Variants in ZNF384 observed in about 807,000 individuals in gnomAD.
The protein encoded by ZNF384 is CAG repeat protein 1.
A neutral mutation model predicts 65.0 loss-of-function variants in ZNF384; 20 were observed. That is an observed-to-expected ratio of 0.31 (90% confidence interval 0.22 to 0.45). The LOEUF is 0.45. Ranked by LOEUF, ZNF384 falls within the 20% of genes least tolerant of loss-of-function variation. The pLI, the probability that ZNF384 is intolerant of heterozygous loss-of-function variation, is 1.00. For synonymous variants in ZNF384, 310 were observed against 303.9 expected (o/e 1.02, Z -0.21); for missense variants, 549 against 769.4 (o/e 0.71, Z 3.39).
At chr12:6,685,107 G>A (rs554069182) in intron 2 of ZNF384, among the ~76,000 whole-genome samples, 1 of 152,108 alleles carries the variant, frequency 6.6e-6, no homozygotes, top group Non-Finnish European at 1.5e-5. Context: ...AGAATCACTT[G>A]AGCCCAGGAA....
At chr12:6,671,674 T>A (rs1192817696) in intron 9 of ZNF384, 1 of 152,398 alleles carries the variant, frequency 6.6e-6, no homozygotes, top group East Asian at 1.9e-4. Context: ...GTCTATGGCC[T>A]GTAAGTCTGG....
rs758411716 is a variant in ZNF384, at chr12:6,672,989, G to A, written c.1004+227C>T. On this transcript the variant is annotated intron_variant, in intron 8 of 11. Coordinates refer to ENST00000683879, the MANE Select transcript of ZNF384 (RefSeq NM_001385745.1). The surrounding 1 kb of genome is among the most constrained non-coding windows in gnomAD (Gnocchi z 4.4). ...GAAGATTTCCAAACACAGACACAGA[G>A]AGAAACCACAAAAATTGTTCCAGAC... is the stretch of plus-strand genomic sequence containing the variant. 1.8e-6 allele frequency: 1 copy of A among 557,770 alleles called. No homozygotes were observed. The highest frequency in any genetic ancestry group is 3.2e-6 in the Non-Finnish European group (1 of 311,360). 34.6% of individuals were successfully genotyped at this position (557,770 alleles called of 1,614,324 possible).
intron 2 of ZNF384, among the ~76,000 whole-genome samples, chr12:6,679,796 A>C (rs554061301): frequency 1.1e-4 from 16 of 152,308 alleles, no homozygotes; most frequent in African/African-American, 3.8e-4. Flanking sequence ...CATGCCCCCT[A>C]AAGAAAAACT....
At chr12:6,682,573 G>T (rs546204582) in intron 2 of ZNF384, among the ~76,000 whole-genome samples, 1 of 152,006 alleles carries the variant, frequency 6.6e-6, no homozygotes, top group Non-Finnish European at 1.5e-5. Flanking sequence ...ATTTAAGCCC[G>T]AGAGGCAGAG....
chr12:6,668,170 CT>C (rs551295730), intron 11 of ZNF384, 55 bp from the exon 12 acceptor site: 1 of 1,484,696 alleles, frequency 6.7e-7, no homozygotes, highest in Non-Finnish European at 9.1e-7. Flanking sequence ...AAAGAGATTA[CT>C]TGTAACTAGC....
intron 7 of ZNF384, among the ~76,000 whole-genome samples, chr12:6,674,383 T>G (rs550186914): frequency 8.5e-5 from 13 of 152,240 alleles, no homozygotes; most frequent in Non-Finnish European, 1.9e-4. Context: ...GTAAAAGCTA[T>G]CTTTCATTTT....
intron 2 of ZNF384, among the ~76,000 whole-genome samples, chr12:6,680,979 G>A (rs1323185231): frequency 6.6e-6 from 1 of 152,138 alleles, no homozygotes; most frequent in Non-Finnish European, 1.5e-5. Context: ...CACTTTGGGA[G>A]GCCAAGACAG....
chr12:6,669,317 A>G, intron 10 of ZNF384, 128 bp from the exon 11 acceptor site: 1 of 931,790 alleles, frequency 1.1e-6, no homozygotes, highest in East Asian at 2.8e-5. Context: ...AGAAAGTAGA[A>G]ATTGTTTCAA....
At position 6,669,068 on chromosome 12, in the gene ZNF384, A is replaced by G; in HGVS notation, c.1388T>C (p.Val463Ala). 6.2e-7 allele frequency: 1 copy of G among 1,613,540 alleles called. No homozygotes were observed. The highest frequency in any genetic ancestry group is 1.1e-5 in the South Asian group (1 of 90,972). Residue 463 changes from valine to alanine, a missense_variant, in exon 11 of 12, where the codon GTG (valine) becomes GCG (alanine). This residue lies in a region of ZNF384 where 136 missense variants were observed against 183.0 expected (regional missense o/e 0.74). Coordinates refer to ENST00000683879, the MANE Select transcript of ZNF384 (RefSeq NM_001385745.1). ...LSTHTVKHAK[V>A]YTCTICSRAY... ...CCGACTGCAGATAGTGCAGGTGTAC[A>G]CCTTGGCATGCTTCACTGTGTGCGT...
At chr12:6,675,993 T>C (rs1430112770) in intron 7 of ZNF384, among the ~76,000 whole-genome samples, 1 of 152,022 alleles carries the variant, frequency 6.6e-6, no homozygotes, top group Admixed American at 6.6e-5. Flanking sequence ...AAAACAGAAA[T>C]TCACTGTGAT....
intron 10 of ZNF384, among the ~76,000 whole-genome samples, chr12:6,669,659 T>C (rs1011725060): frequency 2.6e-5 from 4 of 151,658 alleles, no homozygotes; most frequent in African/African-American, 7.3e-5. Context: ...CCACCAGGCC[T>C]GGCTAATTTT....
At chr12:6,669,985 C>A (rs1950915634) in intron 10 of ZNF384, among the ~76,000 whole-genome samples, 1 of 152,112 alleles carries the variant, frequency 6.6e-6, no homozygotes, top group Non-Finnish European at 1.5e-5. Flanking sequence ...AAAAACCTAA[C>A]TGAAATCTTG....
Position 6,667,451 on chromosome 12 carries a change from A to G in ZNF384, c.*263T>C, listed in dbSNP as rs1012777374. 5 of 580,430 alleles carry G rather than the reference A, an allele frequency of 8.6e-6. No individual in the cohort carries two copies. The African/African-American group carries it at 9.3e-5, about 11-fold the overall frequency. 36.0% of individuals were successfully genotyped at this position (580,430 alleles called of 1,614,324 possible). On this transcript the variant is annotated 3_prime_UTR_variant, in exon 12 of 12. Transcript: ENST00000683879. The stretch of plus-strand genomic sequence containing the variant: ...ATCCTTCCCTTGAGCACCGACCCCC[A>G]GTTTTAGAAGCTTTGCTTGGGAGGG...
chr12:6,678,089 G>A lies in ZNF384; in HGVS notation c.686+38C>T, dbSNP rs1398061452. The A allele has an allele frequency of 6.4e-7, 1 of 1,568,194 alleles. No individual in the cohort carries two copies. The highest frequency in any genetic ancestry group is 8.7e-7 in the Non-Finnish European group (1 of 1,148,630). ...GTACAGGGAGAATCACCAAGCCAGG[G>A]ATCCTCGCCCCATCCTGCCCCTGGC... On this transcript the variant is annotated intron_variant, in intron 6 of 11. Coordinates refer to ENST00000683879, the MANE Select transcript of ZNF384 (RefSeq NM_001385745.1). This position sits in a 1 kb window ranked among gnomAD's most constrained non-coding sequence, Gnocchi z 4.9.
At chr12:6,671,263 G>A (rs1442065402) in intron 9 of ZNF384, among the ~76,000 whole-genome samples, 1 of 152,216 alleles carries the variant, frequency 6.6e-6, no homozygotes, top group African/African-American at 2.4e-5. Context: ...ATCACTTCCA[G>A]AGAATGTTAT....
At position 6,673,506 on chromosome 12, in the gene ZNF384, C is replaced by T. The variant is rs936454194; in HGVS notation, c.780-66G>A. The T allele has an allele frequency of 1.1e-5, 16 of 1,456,858 alleles. No individual in the cohort carries two copies. The African/African-American group carries it at 2.0e-4, about 18-fold the overall frequency. The allele number at this position is 1,456,858 out of a possible 1,614,324, so 90.2% of individuals were successfully genotyped here. ...AGAAGGTGTGGCTGAACCCTCCCCT[C>T]TACTTCCAAGAGAAGCCCACCTATC... On this transcript the variant is annotated intron_variant, in intron 7 of 11. Transcript: ENST00000683879. The surrounding 1 kb of genome is among the most constrained non-coding windows in gnomAD (Gnocchi z 4.7).
In ZNF384 at chr12:6,678,853, T is replaced by C; in HGVS notation, c.304+93A>G. The C allele has an allele frequency of 1.4e-6, 2 of 1,459,298 alleles. No individual in the cohort carries two copies. The highest frequency in any genetic ancestry group is 1.7e-5 in the Admixed American group (1 of 57,732). 90.4% of individuals were successfully genotyped at this position (1,459,298 alleles called of 1,614,324 possible). A position where few individuals can be genotyped will look rare whatever the true frequency, so the allele number is the denominator to read the frequency against. On this transcript the variant is annotated intron_variant, in intron 4 of 11. Transcript: ENST00000683879. This position sits in a 1 kb window ranked among gnomAD's most constrained non-coding sequence, Gnocchi z 4.9. The stretch of plus-strand genomic sequence containing the variant: ...AAATTTGATTGAATAATCAAACACA[T>C]ATCCCACTCCCCATGTCCTTGGAGC...
Position 6,667,443 on chromosome 12 carries a change from C to T in ZNF384, c.*271G>A, listed in dbSNP as rs934806912. The T allele has an allele frequency of 1.0e-4, 57 of 568,920 alleles. No homozygotes were observed. The highest frequency in any genetic ancestry group is 3.4e-4 in the East Asian group (11 of 32,414). The allele number at this position is 568,920 out of a possible 1,614,324, so 35.2% of individuals were successfully genotyped here. A position where few individuals can be genotyped will look rare whatever the true frequency, so the allele number is the denominator to read the frequency against. On this transcript the variant is annotated 3_prime_UTR_variant, in exon 12 of 12. Transcript: ENST00000683879. ...CATAGCAAATCCTTCCCTTGAGCAC[C>T]GACCCCCAGTTTTAGAAGCTTTGCT...
chr12:6,684,142 T>C (rs1238858564), intron 2 of ZNF384, among the ~76,000 whole-genome samples: 1 of 152,132 alleles, frequency 6.6e-6, no homozygotes, highest in East Asian at 1.9e-4. Flanking sequence ...CCTGCAACAA[T>C]GAGGTAGGTA....
Sources: allele counts gnomAD v4.1 joint callset (sites outside exome capture counted in the v4.1 genomes callset), GRCh38; gene constraint gnomAD v4.1.1; regional missense constraint gnomAD v4.1.1; non-coding constraint Gnocchi (gnomAD v3.1); transcripts MANE v1.5; gene names NCBI Gene and HGNC (gene_info 2026-07-23, HGNC 2026-07-21).